Variants in RFPL1 observed in about 807,000 individuals in gnomAD.
RFPL1 encodes ret finger protein-like 1.
Under a neutral mutation model 9.6 loss-of-function variants are expected in RFPL1, and 6 were observed. That is an observed-to-expected ratio of 0.62 (90% CI 0.34 to 1.23). The LOEUF (loss-of-function observed/expected upper bound fraction) is 1.23. RFPL1 is among the 50% of genes most tolerant of loss of function. RFPL1 has a pLI of 0.03. For synonymous variants in RFPL1, 145 were observed against 149.4 expected (o/e 0.97, Z 0.22); for missense variants, 352 against 398.4 (o/e 0.88, Z 0.99).
At chr22:29,396,906 T>TC in the RFPL1 span, among the ~76,000 whole-genome samples, 5 of 134,152 alleles carry the variant, frequency 3.7e-5, no homozygotes, top group Admixed American at 7.3e-5. Context: ...TCTTTTTTTT[T>TC]TTTTTTTTTT....
At chr22:29,418,449 G>T in the RFPL1 span, among the ~76,000 whole-genome samples, 1 of 151,770 alleles carries the variant, frequency 6.6e-6, no homozygotes, top group Non-Finnish European at 1.5e-5. Flanking sequence ...ACTTAAGACA[G>T]GGAGATTTAA....
chr22:29,412,591 G>C, the RFPL1 span, among the ~76,000 whole-genome samples: 1 of 152,128 alleles, frequency 6.6e-6, no homozygotes, highest in Non-Finnish European at 1.5e-5. Context: ...CCCTGGCCAT[G>C]GGTGTTTGCT....
At chr22:29,401,108 G>A in the RFPL1 span, among the ~76,000 whole-genome samples, 1 of 152,184 alleles carries the variant, frequency 6.6e-6, no homozygotes, top group Admixed American at 6.5e-5. Flanking sequence ...GCCTTTTAAA[G>A]CAGTCACGGT....
the RFPL1 span, among the ~76,000 whole-genome samples, chr22:29,424,757 G>A: frequency 6.6e-6 from 1 of 150,696 alleles, no homozygotes; most frequent in African/African-American, 2.4e-5. Context: ...AGGAGGCGGA[G>A]GTTGCAGTGA....
chr22:29,406,255 CT>C, the RFPL1 span, among the ~76,000 whole-genome samples: 4 of 125,728 alleles, frequency 3.2e-5, no homozygotes, highest in South Asian at 1.2e-3. Context: ...TACACGCTCC[CT>C]CTCTGTATTC....
At chr22:29,415,120 C>T in the RFPL1 span, among the ~76,000 whole-genome samples, 11 of 151,950 alleles carry the variant, frequency 7.2e-5, no homozygotes, top group Non-Finnish European at 1.5e-4. Context: ...TCAGGCCATG[C>T]TTCCACTCAA....
chr22:29,441,839 G>A (rs1330498604), exon 2 of RFPL1: 1 of 1,613,974 alleles, frequency 6.2e-7, no homozygotes, highest in South Asian at 1.1e-5. Flanking sequence ...AGGGATGGAA[G>A]CCGCCTCTCT....
At chr22:29,411,708 G>A in the RFPL1 span, among the ~76,000 whole-genome samples, 4 of 152,180 alleles carry the variant, frequency 2.6e-5, no homozygotes, top group South Asian at 2.1e-4. Context: ...CCTAGAAGTC[G>A]GAGCAGGAGG....
the RFPL1 span, among the ~76,000 whole-genome samples, chr22:29,405,154 C>T: frequency 0.015 from 2,242 of 152,186 alleles, 51 homozygotes; most frequent in African/African-American, 0.051. Flanking sequence ...TTGATTAAAA[C>T]GTTAAACAGT....
At chr22:29,423,857 C>A in the RFPL1 span, among the ~76,000 whole-genome samples, 2 of 152,212 alleles carry the variant, frequency 1.3e-5, no homozygotes, top group African/African-American at 4.8e-5. Context: ...AAATTTCTTA[C>A]AGGCTCTCTC....
At chr22:29,406,661 C>T in the RFPL1 span, among the ~76,000 whole-genome samples, 15 of 152,200 alleles carry the variant, frequency 9.9e-5, no homozygotes, top group South Asian at 2.1e-4. Flanking sequence ...GAAAAGCAGA[C>T]GGTGCAAACC....
the RFPL1 span, among the ~76,000 whole-genome samples, chr22:29,401,850 T>G: frequency 6.6e-6 from 1 of 152,216 alleles, no homozygotes; most frequent in African/African-American, 2.4e-5. Flanking sequence ...GTCAGATAGA[T>G]CTGCGTTTTC....
the RFPL1 span, among the ~76,000 whole-genome samples, chr22:29,424,580 T>C: frequency 2.0e-5 from 3 of 150,944 alleles, no homozygotes; most frequent in Non-Finnish European, 2.9e-5. Flanking sequence ...TTAGTTCCTA[T>C]GCTCTATCGA....
chr22:29,434,084 T>C (rs920638374), upstream of RFPL1, among the ~76,000 whole-genome samples: 1 of 152,076 alleles, frequency 6.6e-6, no homozygotes, highest in African/African-American at 2.4e-5. Context: ...ATTCCTCAGC[T>C]CAAGCGATCC....
At chr22:29,410,504 T>G in the RFPL1 span, among the ~76,000 whole-genome samples, 897 of 113,842 alleles carry the variant, frequency 7.9e-3, 26 homozygotes, top group African/African-American at 0.029. Flanking sequence ...TATCTATATA[T>G]AGAGAGATAT....
chr22:29,414,593 G>GT, the RFPL1 span, among the ~76,000 whole-genome samples: 12 of 150,482 alleles, frequency 8.0e-5, no homozygotes, highest in African/African-American at 2.0e-4. Context: ...TACTGATTGT[G>GT]TTTTTTTTTC....
chr22:29,406,479 G>C, the RFPL1 span, among the ~76,000 whole-genome samples: 1 of 152,032 alleles, frequency 6.6e-6, no homozygotes, highest in South Asian at 2.1e-4. Flanking sequence ...CACTCTCCCA[G>C]GTATGTGCAG....
chr22:29,410,631 A>ATAGC, the RFPL1 span, among the ~76,000 whole-genome samples: 1 of 140,562 alleles, frequency 7.1e-6, no homozygotes, highest in Admixed American at 7.4e-5. Context: ...ATATAGATAG[A>ATAGC]TATATTGTAG....
At chr22:29,402,548 T>C in the RFPL1 span, among the ~76,000 whole-genome samples, 2 of 152,172 alleles carry the variant, frequency 1.3e-5, no homozygotes, top group Non-Finnish European at 2.9e-5. Context: ...CAAGTCACAG[T>C]CATCACGCTT....
Sources: allele counts gnomAD v4.1 joint callset (sites outside exome capture counted in the v4.1 genomes callset), GRCh38; gene constraint gnomAD v4.1.1; transcripts MANE v1.5; gene names NCBI Gene and HGNC (gene_info 2026-07-23, HGNC 2026-07-21).